ZBBX: variants seen among roughly 807,000 people sequenced by gnomAD.
ZBBX encodes the protein zinc finger B-box domain containing.
In ZBBX, 101 loss-of-function variants were observed where a neutral mutation model predicts 108.5. The ratio of observed to expected loss-of-function variants is 0.93; its 90% CI spans 0.79 to 1.10. The LOEUF (loss-of-function observed/expected upper bound fraction) is 1.10. Among genes scored for constraint, ZBBX ranks in the 50% least tolerant of loss-of-function variants. The pLI, the probability that ZBBX is intolerant of heterozygous loss-of-function variation, is 0.00. For missense variants in ZBBX, 1,009 were observed against 941.4 expected, an observed-to-expected ratio of 1.07 and a Z score of -0.94; for synonymous variants, 356 against 323.4, an observed-to-expected ratio of 1.10 and a Z score of -1.08.
At chr3:167,278,887 A>G (rs1339013735) in intron 20 of ZBBX, among the ~76,000 whole-genome samples, 2 of 152,094 alleles carry the variant, frequency 1.3e-5, no homozygotes, top group Non-Finnish European at 2.9e-5. Flanking sequence ...CAGCACATCA[A>G]AAAGCTTATC....
the ZBBX span, among the ~76,000 whole-genome samples, chr3:167,230,104 G>C: frequency 6.6e-6 from 1 of 151,696 alleles, no homozygotes; most frequent in Non-Finnish European, 1.5e-5. Flanking sequence ...TTAAGCATTT[G>C]GTGCCTCAGT....
At chr3:167,202,978 T>C in the ZBBX span, among the ~76,000 whole-genome samples, 14 of 152,190 alleles carry the variant, frequency 9.2e-5, no homozygotes, top group Admixed American at 8.5e-4. Context: ...TAGTGTCATA[T>C]TAGTTCATGA....
In ZBBX at chr3:167,299,033, T is replaced by A. The variant is rs1463046786; in HGVS notation, c.1726-575A>T. Reference sequence around the variant, plus strand: ...GGCTTTGAATATAGGTCTGCCTGATTTGAAACCTAGACTTATCCTGCCACC... The same window carrying A: ...GGCTTTGAATATAGGTCTGCCTGATATGAAACCTAGACTTATCCTGCCACC... On this transcript the variant is annotated intron_variant, in intron 17 of 21. Coordinates refer to ENST00000675490, the MANE Select transcript of ZBBX (RefSeq NM_001199201.2). 3.3e-5 allele frequency among the ~76,000 whole-genome samples: 5 copies of A among 152,164 alleles called. No homozygotes were observed. The East Asian group carries it at 9.6e-4, about 29-fold the overall frequency.
intron 1 of ZBBX, among the ~76,000 whole-genome samples, chr3:167,391,177 G>A (rs946532753): frequency 3.9e-5 from 6 of 152,082 alleles, no homozygotes; most frequent in African/African-American, 1.4e-4. Context: ...CTAGTTTATT[G>A]AGAGTCATTC....
At chr3:167,257,476 A>G (rs1341463388) in intron 20 of ZBBX, among the ~76,000 whole-genome samples, 1 of 152,130 alleles carries the variant, frequency 6.6e-6, no homozygotes, top group African/African-American at 2.4e-5. Flanking sequence ...CAGGTTTAAG[A>G]GGGCAAACTT....
chr3:167,274,649 G>A (rs1019488317), intron 20 of ZBBX, among the ~76,000 whole-genome samples: 5 of 151,918 alleles, frequency 3.3e-5, no homozygotes, highest in African/African-American at 9.7e-5. Flanking sequence ...CCCCCTTCCC[G>A]TCAGTTCTAA....
intron 8 of ZBBX, among the ~76,000 whole-genome samples, chr3:167,351,678 C>T (rs1742678781): frequency 6.6e-6 from 1 of 152,094 alleles, no homozygotes; most frequent in Admixed American, 6.6e-5. Flanking sequence ...TGTGAAGTCC[C>T]ATAGGCTTCC....
chr3:167,327,840 G>A, intron 11 of ZBBX, 102 bp downstream of exon 11: 2 of 1,149,378 alleles, frequency 1.7e-6, no homozygotes, highest in Non-Finnish European at 2.4e-6. Flanking sequence ...CTTGAACCCG[G>A]AAGGTGGAGG....
At chr3:167,193,023 C>T in the ZBBX span, among the ~76,000 whole-genome samples, 1 of 151,950 alleles carries the variant, frequency 6.6e-6, no homozygotes, top group Admixed American at 6.6e-5. Flanking sequence ...GCTTGCTGTT[C>T]GTTTTTGTGG....
the ZBBX span, among the ~76,000 whole-genome samples, chr3:167,201,158 A>G: frequency 1.2e-4 from 19 of 152,238 alleles, no homozygotes; most frequent in African/African-American, 4.6e-4. Flanking sequence ...TTTCCCAGGT[A>G]TTACAAAGTA....
chr3:167,361,719 A>C (rs1237704601), intron 6 of ZBBX, among the ~76,000 whole-genome samples: 1 of 152,190 alleles, frequency 6.6e-6, no homozygotes, highest in Non-Finnish European at 1.5e-5. Flanking sequence ...TTTTCTATGA[A>C]CCACACTTTT....
At chr3:167,330,747 CTG>C (rs927137293) in intron 10 of ZBBX, among the ~76,000 whole-genome samples, 24 of 149,228 alleles carry the variant, frequency 1.6e-4, no homozygotes, top group Non-Finnish European at 2.7e-4. Flanking sequence ...GAGCAAGACT[CTG>C]TCTCACATGA....
At position 167,400,445 on chromosome 3, in the gene ZBBX, G is replaced by A. The variant is rs549696516; in HGVS notation, c.-446+7281C>T. Among the ~76,000 whole-genome samples, 7 of 151,944 alleles carry A rather than the reference G, an allele frequency of 4.6e-5. No individual in the cohort carries two copies. In the South Asian group the frequency reaches 1.5e-3, roughly 32 times the overall value. On this transcript the variant is annotated intron_variant, in intron 1 of 21. Coordinates refer to the ZBBX transcript ENST00000455345. ...TTATTGTGGTTTTGATTTACATTTC[G>A]CTGATGACTGGTGATGATAAGCATT...
chr3:167,182,889 C>A, the ZBBX span, among the ~76,000 whole-genome samples: 1 of 152,070 alleles, frequency 6.6e-6, no homozygotes, highest in Non-Finnish European at 1.5e-5. Context: ...TATTATTTCC[C>A]TGTTGATCTG....
At chr3:167,193,309 T>A in the ZBBX span, among the ~76,000 whole-genome samples, 1 of 152,172 alleles carries the variant, frequency 6.6e-6, no homozygotes, top group Admixed American at 6.6e-5. Context: ...GTGGGAAGGC[T>A]GTGTGGTAGT....
At position 167,288,983 on chromosome 3, in the gene ZBBX, T is replaced by C. The variant is rs1353884905; in HGVS notation, c.1880A>G (p.Glu627Gly). Residue 627 changes from glutamate to glycine, a missense_variant and splice_region_variant, in exon 19 of 22, where the codon GAA becomes GGA. By Grantham distance (98) the Glu-to-Gly change is moderately conservative. Coordinates refer to ENST00000675490, the MANE Select transcript of ZBBX (RefSeq NM_001199201.2). ...ATGGTCTGGAATCCATTCTCTGTCTTCTGAAATTGAAAAACAGTAAGATAA... is the reference window on the plus strand; with the variant it reads ...ATGGTCTGGAATCCATTCTCTGTCTCCTGAAATTGAAAAACAGTAAGATAA... Reference protein sequence around the residue: ...NNSSTRITLAEDREWIPDHSL... With the variant: ...NNSSTRITLAGDREWIPDHSL... 4.6e-6 allele frequency: 7 copies of C among 1,524,996 alleles called. No homozygotes were observed. The highest frequency in any genetic ancestry group is 2.0e-5 in the Admixed American group (1 of 48,812). 94.5% of individuals were successfully genotyped at this position (1,524,996 alleles called of 1,614,324 possible).
intron 1 of ZBBX, among the ~76,000 whole-genome samples, chr3:167,407,074 C>T (rs937156185): frequency 5.9e-5 from 9 of 152,140 alleles, no homozygotes; most frequent in African/African-American, 1.9e-4. Flanking sequence ...AGAGTTAATG[C>T]TTGCCCAGTC....
intron 17 of ZBBX, among the ~76,000 whole-genome samples, chr3:167,304,738 C>G (rs569828146): frequency 3.3e-5 from 5 of 152,172 alleles, no homozygotes; most frequent in Admixed American, 2.6e-4. Context: ...TTGCAGAGAT[C>G]AGTTTCCTTT....
the ZBBX span, among the ~76,000 whole-genome samples, chr3:167,225,424 A>G: frequency 6.6e-6 from 1 of 151,924 alleles, no homozygotes; most frequent in African/African-American, 2.4e-5. Context: ...TTTAACAGAG[A>G]ATAAGATGGC....
Sources: gnomAD v4.1 joint callset for allele counts (sites outside exome capture counted in the v4.1 genomes callset) on GRCh38, gnomAD v4.1.1 for gene constraint, MANE v1.5 for transcripts, NCBI Gene and HGNC (gene_info 2026-07-23, HGNC 2026-07-21) for gene names.